The following FBP2 variants were observed in gnomAD, a reference collection of about 807,000 sequenced individuals.
FBP2 encodes fructose-1,6-bisphosphatase isozyme 2.
In FBP2, 27 loss-of-function variants were observed where a neutral mutation model predicts 31.6. That is an observed-to-expected ratio of 0.85 (90% CI 0.63 to 1.18). FBP2 has a LOEUF of 1.18. Among genes scored for constraint, FBP2 ranks in the 50% most tolerant of loss-of-function variants. The pLI, the probability that FBP2 is intolerant of heterozygous loss-of-function variation, is 0.00. For missense variants in FBP2, 421 were observed against 436.1 expected, an observed-to-expected ratio of 0.97 and a Z score of 0.31; for synonymous variants, 168 against 179.8, an observed-to-expected ratio of 0.93 and a Z score of 0.53.
In FBP2 at chr9:94,592,230, A is replaced by G. The variant is rs964215078; in HGVS notation, c.170+1327T>C. Among the ~76,000 whole-genome samples the G allele has an allele frequency of 2.6e-5, 4 of 152,222 alleles. No individual in the cohort carries two copies. The East Asian group carries it at 7.7e-4, about 29-fold the overall frequency. ...CCAAATGAGGTAAAAACAGAGCTGAAGCATCCACCCACAGGAAAAAAGCAA... is the reference window on the plus strand; with the variant it reads ...CCAAATGAGGTAAAAACAGAGCTGAGGCATCCACCCACAGGAAAAAAGCAA... On this transcript the variant is annotated intron_variant, in intron 1 of 6. Coordinates refer to ENST00000375337, the MANE Select transcript of FBP2 (RefSeq NM_003837.4).
chr9:94,592,634 A>G (rs1827514785), intron 1 of FBP2, among the ~76,000 whole-genome samples: 1 of 152,200 alleles, frequency 6.6e-6, no homozygotes, highest in Non-Finnish European at 1.5e-5. Flanking sequence ...TCCCAGGTTC[A>G]AGCGATTCTC....
At chr9:94,564,008 A>C (rs578260397) in intron 5 of FBP2, among the ~76,000 whole-genome samples, 4 of 152,354 alleles carry the variant, frequency 2.6e-5, no homozygotes, top group African/African-American at 9.6e-5. Context: ...AGAGACCTTC[A>C]AAGAGACTTA....
In FBP2 at chr9:94,592,987, G is replaced by A. The variant is rs995859084; in HGVS notation, c.170+570C>T. On this transcript the variant is annotated intron_variant, in intron 1 of 6. Coordinates refer to ENST00000375337, the MANE Select transcript of FBP2 (RefSeq NM_003837.4). ...TCCCCTCCCAGGACTAGCACCTCCCGGCTTCCTGCACACCAAGTGGAGGTG... is the reference window on the plus strand; with the variant it reads ...TCCCCTCCCAGGACTAGCACCTCCCAGCTTCCTGCACACCAAGTGGAGGTG... Among the ~76,000 whole-genome samples the A allele has an allele frequency of 1.9e-4, 29 of 152,202 alleles. No individual in the cohort carries two copies. The South Asian group carries it at 3.9e-3, about 21-fold the overall frequency.
At chr9:94,562,453 G>C (rs2131441538) in intron 6 of FBP2, among the ~76,000 whole-genome samples, 1 of 152,148 alleles carries the variant, frequency 6.6e-6, no homozygotes, top group South Asian at 2.1e-4. Context: ...AATACACCTG[G>C]GCTAAGCACT....
chr9:94,590,641 C>T (rs1181208813), intron 1 of FBP2, among the ~76,000 whole-genome samples: 4 of 152,186 alleles, frequency 2.6e-5, no homozygotes, highest in Non-Finnish European at 5.9e-5. Context: ...GTGAGTGTTA[C>T]AGATCATAAA....
chr9:94,584,181 C>G (rs2131457971), intron 3 of FBP2, among the ~76,000 whole-genome samples: 1 of 152,252 alleles, frequency 6.6e-6, no homozygotes, highest in African/African-American at 2.4e-5. Flanking sequence ...TAGATTAGTT[C>G]AATCTAATCC....
At chr9:94,576,885 G>A (rs867311593) in intron 3 of FBP2, among the ~76,000 whole-genome samples, 1 of 152,088 alleles carries the variant, frequency 6.6e-6, no homozygotes, top group African/African-American at 2.4e-5. Context: ...GGTTCAGGCT[G>A]TTCCAGGGCT....
intron 2 of FBP2, 106 bp downstream of exon 2, chr9:94,587,201 T>A (rs528311704): frequency 3.0e-6 from 3 of 995,138 alleles, no homozygotes; most frequent in Non-Finnish European, 4.4e-6. Flanking sequence ...AAACAAATGT[T>A]AAGAAATAGA....
chr9:94,560,938 T>C (rs866053141), intron 6 of FBP2, among the ~76,000 whole-genome samples: 2 of 151,948 alleles, frequency 1.3e-5, no homozygotes, highest in East Asian at 3.9e-4. Context: ...CCTCTGGCTC[T>C]TAAAGTAGTG....
intron 6 of FBP2, among the ~76,000 whole-genome samples, chr9:94,562,039 C>T (rs1195461246): frequency 2.6e-5 from 4 of 152,096 alleles, no homozygotes; most frequent in African/African-American, 9.7e-5. Context: ...TCGCCGGGCG[C>T]TGTGACTCAT....
chr9:94,578,812 G>C (rs1043278744), intron 3 of FBP2, among the ~76,000 whole-genome samples: 5 of 151,934 alleles, frequency 3.3e-5, no homozygotes, highest in Non-Finnish European at 7.4e-5. Context: ...CCAGCACTTT[G>C]GAAGGCTGAG....
At position 94,558,950 on chromosome 9, in the gene FBP2, C is replaced by T. The variant is rs1587833651; in HGVS notation, c.1008G>A (p.Gln336=). ...QEYLTCVQKN[Q]AGS ...GGGGTCAAACTCGCTAGCTGCCTGCCTGATTTTTCTGCACACAGGTGAGAT... is the reference window on the plus strand; with the variant it reads ...GGGGTCAAACTCGCTAGCTGCCTGCTTGATTTTTCTGCACACAGGTGAGAT... Residue 336 remains glutamine, a synonymous_variant, in exon 7 of 7, where the codon CAG becomes CAA. Coordinates refer to ENST00000375337, the MANE Select transcript of FBP2 (RefSeq NM_003837.4). 6.2e-7 allele frequency: 1 copy of T among 1,614,018 alleles called. No homozygotes were observed. The highest frequency in any genetic ancestry group is 1.3e-5 in the African/African-American group (1 of 74,982).
chr9:94,573,262 C>T (rs1367806629), intron 3 of FBP2, among the ~76,000 whole-genome samples: 11 of 152,160 alleles, frequency 7.2e-5, no homozygotes, highest in Non-Finnish European at 1.6e-4. Context: ...TTTTCTAAGA[C>T]TTTCTGTTTT....
At chr9:94,562,740 G>A (rs1315628691) in intron 6 of FBP2, among the ~76,000 whole-genome samples, 2 of 152,104 alleles carry the variant, frequency 1.3e-5, no homozygotes, top group Non-Finnish European at 2.9e-5. Flanking sequence ...GGATCATAAG[G>A]TTCTCACTTG....
intron 6 of FBP2, among the ~76,000 whole-genome samples, chr9:94,559,911 T>C (rs1289872358): frequency 6.6e-6 from 1 of 152,096 alleles, no homozygotes; most frequent in Non-Finnish European, 1.5e-5. Flanking sequence ...AAGGATCGCT[T>C]GAGTCCAGGC....
intron 5 of FBP2, among the ~76,000 whole-genome samples, chr9:94,564,961 TAATA>T (rs1001673064): frequency 1.9e-4 from 29 of 152,276 alleles, no homozygotes; most frequent in African/African-American, 5.8e-4. Context: ...CACAAAGAAA[TAATA>T]AATGTCTGAG....
intron 5 of FBP2, 76 bp downstream of exon 5, chr9:94,567,194 C>T (rs1827202046): frequency 2.0e-6 from 3 of 1,505,012 alleles, no homozygotes; most frequent in Non-Finnish European, 9.2e-7. Flanking sequence ...TCAGCAAAGC[C>T]CCTGAAGCCA....
chr9:94,575,463 G>T (rs1827307161), intron 3 of FBP2, among the ~76,000 whole-genome samples: 1 of 152,134 alleles, frequency 6.6e-6, no homozygotes, highest in African/African-American at 2.4e-5. Flanking sequence ...ATAGCAGTTT[G>T]TTCTTTTTCA....
At position 94,571,532 on chromosome 9, in the gene FBP2, G is replaced by A. The variant is rs199525966; in HGVS notation, c.497C>T (p.Ala166Val). Residue 166 changes from alanine (A) to valine (V), a missense_variant, in exon 4 of 7, where the codon GCG (alanine) becomes GTG (valine). Physicochemically the swap from Ala to Val is moderately conservative, Grantham distance 64. Coordinates refer to ENST00000375337, the MANE Select transcript of FBP2 (RefSeq NM_003837.4). The part of the protein sequence containing the change: ...CGRNIVAAGY[A>V]LYGSATLVAL... ...CACCAGGGTTGCACTACCGTACAGC[G>A]CATAACCTGCGGCCACAATATTGCG... 1.3e-4 allele frequency: 212 copies of A among 1,613,866 alleles called. No individual in the cohort carries two copies. Among genetic ancestry groups the A allele is most frequent in the Non-Finnish European group, 2.6e-5 (31 of 1,179,832 alleles).
Sources: gnomAD v4.1 joint callset for allele counts (sites outside exome capture counted in the v4.1 genomes callset) on GRCh38, gnomAD v4.1.1 for gene constraint, MANE v1.5 for transcripts, NCBI Gene and HGNC (gene_info 2026-07-23, HGNC 2026-07-21) for gene names.